The following SPOCK1 variants were observed in gnomAD, a reference collection of about 807,000 sequenced individuals.
The protein encoded by SPOCK1 is SPARC (osteonectin), cwcv and kazal like domains proteoglycan 1.
In SPOCK1, 23 loss-of-function variants were observed where a neutral mutation model predicts 55.3. That is an observed-to-expected ratio of 0.42 (90% CI 0.30 to 0.59). The LOEUF (loss-of-function observed/expected upper bound fraction) is 0.59, where lower values mean the gene tolerates loss of function less well. Ranked by LOEUF, SPOCK1 falls within the 20% of genes least tolerant of loss-of-function variation. SPOCK1 has a pLI of 0.22. For missense variants in SPOCK1, 499 were observed against 552.5 expected (o/e 0.90, Z 0.97); for synonymous variants, 226 against 221.0 (o/e 1.02, Z -0.20).
intron 3 of SPOCK1, among the ~76,000 whole-genome samples, chr5:137,238,964 A>G (rs967762045): frequency 6.6e-6 from 1 of 152,230 alleles, no homozygotes; most frequent in Non-Finnish European, 1.5e-5. Flanking sequence ...TGAGTGATAC[A>G]TGGGAGAGAA....
intron 3 of SPOCK1, among the ~76,000 whole-genome samples, chr5:137,238,752 C>T (rs1458421244): frequency 6.6e-6 from 1 of 152,152 alleles, no homozygotes; most frequent in African/African-American, 2.4e-5. Flanking sequence ...ACTTCCTTAA[C>T]ACGATAAAAT....
At chr5:137,362,203 G>T (rs1304329797) in intron 2 of SPOCK1, among the ~76,000 whole-genome samples, 1 of 152,238 alleles carries the variant, frequency 6.6e-6, no homozygotes, top group East Asian at 1.9e-4. Flanking sequence ...ACAGAAGAAG[G>T]TCACTGCTTT....
intron 2 of SPOCK1, among the ~76,000 whole-genome samples, chr5:137,370,686 G>GA (rs1580890416): frequency 6.6e-6 from 1 of 152,314 alleles, no homozygotes; most frequent in East Asian, 1.9e-4. Flanking sequence ...AGGCCTAAAT[G>GA]AAAAAGAAGA....
At chr5:137,118,541 C>T (rs1307847287) in intron 4 of SPOCK1, among the ~76,000 whole-genome samples, 1 of 152,194 alleles carries the variant, frequency 6.6e-6, no homozygotes, top group Non-Finnish European at 1.5e-5. Flanking sequence ...TCAATGTGAC[C>T]CAGCATTTCA....
intron 2 of SPOCK1, among the ~76,000 whole-genome samples, chr5:137,396,769 T>A (rs908064410): frequency 1.3e-5 from 2 of 152,176 alleles, no homozygotes; most frequent in African/African-American, 4.8e-5. Context: ...ATACATTAAG[T>A]AGTTGTCCAA....
intron 2 of SPOCK1, among the ~76,000 whole-genome samples, chr5:137,493,369 C>A (rs1754229317): frequency 6.6e-6 from 1 of 152,168 alleles, no homozygotes. Flanking sequence ...CCATTTGGAG[C>A]CACTTCTTGG....
At chr5:137,241,903 G>A (rs1240830973) in intron 3 of SPOCK1, among the ~76,000 whole-genome samples, 1 of 152,182 alleles carries the variant, frequency 6.6e-6, no homozygotes, top group Admixed American at 6.6e-5. Flanking sequence ...TTCTGACCCA[G>A]CAGCTCCTCT....
intron 2 of SPOCK1, among the ~76,000 whole-genome samples, chr5:137,450,550 A>G (rs1753234356): frequency 6.6e-6 from 1 of 151,966 alleles, no homozygotes; most frequent in African/African-American, 2.4e-5. Flanking sequence ...GCCCATGCTT[A>G]GAAGGGCCAT....
chr5:137,495,424 A>G (rs1754278346), intron 2 of SPOCK1, among the ~76,000 whole-genome samples: 1 of 152,206 alleles, frequency 6.6e-6, no homozygotes, highest in South Asian at 2.1e-4. Flanking sequence ...CTTAGTTTTC[A>G]GTTTCCAAGT....
chr5:137,062,822 T>C (rs1267765628), intron 6 of SPOCK1, among the ~76,000 whole-genome samples: 2 of 152,206 alleles, frequency 1.3e-5, no homozygotes, highest in African/African-American at 2.4e-5. Flanking sequence ...TATTTGTTTT[T>C]TGTTTTTGTG....
intron 2 of SPOCK1, among the ~76,000 whole-genome samples, chr5:137,363,907 C>T (rs1319876171): frequency 1.3e-5 from 2 of 152,176 alleles, no homozygotes; most frequent in East Asian, 1.9e-4. Flanking sequence ...TCAGAATGGG[C>T]CTGGTAGGCC....
At chr5:137,232,085 A>G (rs1057455929) in intron 3 of SPOCK1, among the ~76,000 whole-genome samples, 1 of 152,126 alleles carries the variant, frequency 6.6e-6, no homozygotes, top group Non-Finnish European at 1.5e-5. Context: ...AGTTCTTTAC[A>G]TATTCTCAAC....
intron 5 of SPOCK1, among the ~76,000 whole-genome samples, chr5:137,070,603 G>A (rs936349478): frequency 1.3e-5 from 2 of 152,194 alleles, no homozygotes; most frequent in Admixed American, 1.3e-4. Context: ...AAGTGCTGGA[G>A]CTCAGTACTC....
intron 2 of SPOCK1, among the ~76,000 whole-genome samples, chr5:137,376,764 T>C (rs945495542): frequency 2.4e-4 from 37 of 152,312 alleles, no homozygotes; most frequent in African/African-American, 8.9e-4. Context: ...ACTGACTCTC[T>C]GCAAGCTGTC....
At chr5:137,422,905 T>G (rs539879829) in intron 2 of SPOCK1, among the ~76,000 whole-genome samples, 1 of 152,272 alleles carries the variant, frequency 6.6e-6, no homozygotes, top group South Asian at 2.1e-4. Context: ...TTTTTCCCCA[T>G]CTTTGTGGTT....
At chr5:137,418,317 C>T (rs1312065187) in intron 2 of SPOCK1, among the ~76,000 whole-genome samples, 1 of 152,116 alleles carries the variant, frequency 6.6e-6, no homozygotes, top group African/African-American at 2.4e-5. Flanking sequence ...TGGGTATATA[C>T]TCAGTAATGG....
At chr5:137,379,064 C>T in intron 2 of SPOCK1, among the ~76,000 whole-genome samples, 1 of 152,178 alleles carries the variant, frequency 6.6e-6, no homozygotes, top group East Asian at 1.9e-4. Flanking sequence ...GCAGTGCAAC[C>T]CAAGCCACAC....
chr5:137,411,936 C>T (rs553830013), intron 2 of SPOCK1, among the ~76,000 whole-genome samples: 17 of 152,232 alleles, frequency 1.1e-4, no homozygotes, highest in Non-Finnish European at 2.2e-4. Flanking sequence ...CCCTCACCTA[C>T]GCAGTAAAGA....
At chr5:137,087,823 A>C (rs1291518230) in intron 5 of SPOCK1, among the ~76,000 whole-genome samples, 1 of 151,892 alleles carries the variant, frequency 6.6e-6, no homozygotes, top group African/African-American at 2.4e-5. Context: ...GAGGTCAGGA[A>C]GCAGGGAGGA....
Sources: gnomAD v4.1 joint callset for allele counts (sites outside exome capture counted in the v4.1 genomes callset) on GRCh38, gnomAD v4.1.1 for gene constraint, MANE v1.5 for transcripts, NCBI Gene and HGNC (gene_info 2026-07-23, HGNC 2026-07-21) for gene names.